WWC2: variants seen among roughly 807,000 people sequenced by gnomAD.
WWC2 encodes the protein protein WWC2.
In WWC2, 101 loss-of-function variants were observed where a neutral mutation model predicts 138.5. The observed-to-expected ratio is 0.73, with a 90% CI of 0.62 to 0.86. WWC2 has a LOEUF of 0.86. Among genes scored for constraint, WWC2 ranks in the 40% least tolerant of loss-of-function variants. WWC2 has a pLI of 0.00. For synonymous variants in WWC2, 558 were observed against 538.4 expected (o/e 1.04, Z -0.50); for missense variants, 1,420 against 1,419.4 (o/e 1.00, Z -0.01).
chr4:183,121,007 A>C lies in WWC2; in HGVS notation c.131+21385A>C, dbSNP rs192943485. On this transcript the variant is annotated intron_variant, in intron 1 of 22. Transcript: ENST00000403733. ...GGAGGCCGGCAGATCACTTGAGCCC[A>C]GGAGTTTGAGACCAGCCTGGACAAC... Among the ~76,000 whole-genome samples, 577 of 152,316 alleles carry C rather than the reference A, an allele frequency of 3.8e-3. 3 individuals carry two copies. The highest frequency in any genetic ancestry group is 0.013 in the African/African-American group (542 of 41,584).
chr4:183,113,712 T>C (rs1432089580), intron 1 of WWC2, among the ~76,000 whole-genome samples: 2 of 151,990 alleles, frequency 1.3e-5, no homozygotes, highest in East Asian at 2.0e-4. Flanking sequence ...TTTTTTTCTT[T>C]TTAAAGATCT....
At chr4:183,265,240 G>A (rs377272469) in intron 12 of WWC2, 133 bp downstream of exon 12, 22 of 1,272,676 alleles carry the variant, frequency 1.7e-5, no homozygotes, top group Non-Finnish European at 2.3e-5. Context: ...TTAAAGAAGT[G>A]GTGTGCCTGA....
intron 4 of WWC2, among the ~76,000 whole-genome samples, chr4:183,230,753 G>C (rs755202252): frequency 1.3e-5 from 2 of 151,578 alleles, no homozygotes; most frequent in Non-Finnish European, 2.9e-5. Context: ...TTTTTTAAAA[G>C]AGTAATAAAA....
At chr4:183,257,028 A>T (rs1302624215) in intron 9 of WWC2, among the ~76,000 whole-genome samples, 1 of 151,742 alleles carries the variant, frequency 6.6e-6, no homozygotes, top group Admixed American at 6.6e-5. Flanking sequence ...CTAAAGAGAA[A>T]TTGCTCGCAA....
intron 21 of WWC2, among the ~76,000 whole-genome samples, chr4:183,303,983 G>A (rs1437231678): frequency 6.6e-6 from 1 of 151,582 alleles, no homozygotes; most frequent in Non-Finnish European, 1.5e-5. Flanking sequence ...GATTGTAGAG[G>A]GTTTGTTAGA....
chr4:183,163,132 A>C (rs1734008236), intron 1 of WWC2, among the ~76,000 whole-genome samples: 2 of 152,224 alleles, frequency 1.3e-5, no homozygotes, highest in Admixed American at 1.3e-4. Flanking sequence ...GAACTATTAA[A>C]AAGTGGTGAC....
At chr4:183,208,762 T>TA (rs964160860) in intron 3 of WWC2, among the ~76,000 whole-genome samples, 187 bp from the exon 4 acceptor site, 61 of 152,014 alleles carry the variant, frequency 4.0e-4, no homozygotes, top group African/African-American at 7.5e-4. Context: ...TTTACAGAGT[T>TA]AAAAAAAATG....
At chr4:183,105,336 G>C (rs191815923) in intron 1 of WWC2, among the ~76,000 whole-genome samples, 3 of 152,206 alleles carry the variant, frequency 2.0e-5, no homozygotes, top group African/African-American at 7.2e-5. Context: ...GAAGTTGTCT[G>C]TTGGCCCACA....
At chr4:183,200,334 T>C (rs961413008) in intron 2 of WWC2, among the ~76,000 whole-genome samples, 1 of 152,188 alleles carries the variant, frequency 6.6e-6, no homozygotes, top group African/African-American at 2.4e-5. Context: ...CCTCAAAAGA[T>C]TGAGAGAGAA....
At chr4:183,229,620 T>G (rs541044207) in intron 4 of WWC2, among the ~76,000 whole-genome samples, 53 of 152,064 alleles carry the variant, frequency 3.5e-4, no homozygotes, top group Non-Finnish European at 6.6e-4. Context: ...ATGTCACCTC[T>G]GTGGTATTCT....
chr4:183,150,223 G>C (rs1414490117), intron 1 of WWC2, among the ~76,000 whole-genome samples: 1 of 152,130 alleles, frequency 6.6e-6, no homozygotes, highest in African/African-American at 2.4e-5. Context: ...ATTCCTGTTT[G>C]TTGACAGATT....
chr4:183,261,672 A>G (rs1039699261), intron 11 of WWC2, 140 bp downstream of exon 11: 1 of 1,023,180 alleles, frequency 9.8e-7, no homozygotes, highest in East Asian at 2.6e-5. Flanking sequence ...TCATTTAAGA[A>G]GGAGCTTTTA....
At chr4:183,315,599 T>G in intron 22 of WWC2, 64 bp from the exon 23 acceptor site, 1 of 1,370,900 alleles carries the variant, frequency 7.3e-7, no homozygotes, top group Admixed American at 2.0e-5. Context: ...GGGGACTGTT[T>G]TAATGGTCCC....
chr4:183,201,080 T>C (rs1483068777), intron 2 of WWC2, among the ~76,000 whole-genome samples: 3 of 152,178 alleles, frequency 2.0e-5, no homozygotes, highest in Non-Finnish European at 2.9e-5. Flanking sequence ...AATATTAGGA[T>C]ATTCAGAGAC....
At chr4:183,247,627 ATAC>A (rs1175881700) in intron 6 of WWC2, among the ~76,000 whole-genome samples, 3 of 137,174 alleles carry the variant, frequency 2.2e-5, no homozygotes, top group Non-Finnish European at 4.7e-5. Context: ...TATATACTAT[ATAC>A]TATATATACT....
intron 2 of WWC2, among the ~76,000 whole-genome samples, chr4:183,206,850 C>T (rs1296115800): frequency 6.6e-6 from 1 of 152,104 alleles, no homozygotes; most frequent in Non-Finnish European, 1.5e-5. Flanking sequence ...AACATGTGGT[C>T]AAAAAATATG....
intron 1 of WWC2, among the ~76,000 whole-genome samples, chr4:183,167,314 G>A (rs756956035): frequency 6.6e-6 from 1 of 152,166 alleles, no homozygotes; most frequent in South Asian, 2.1e-4. Flanking sequence ...GATGACTCAG[G>A]TTAGTGAGGG....
intron 1 of WWC2, among the ~76,000 whole-genome samples, chr4:183,125,479 A>T (rs1023858985): frequency 2.0e-5 from 3 of 152,232 alleles, no homozygotes; most frequent in African/African-American, 4.8e-5. Context: ...CTTTGCTTCA[A>T]TTAAATGTTT....
chr4:183,227,862 A>G (rs1325297176), intron 4 of WWC2, among the ~76,000 whole-genome samples: 1 of 152,086 alleles, frequency 6.6e-6, no homozygotes, highest in Non-Finnish European at 1.5e-5. Flanking sequence ...AATGTATGGC[A>G]TCAGTTGTTC....
Sources: allele counts gnomAD v4.1 joint callset (sites outside exome capture counted in the v4.1 genomes callset), GRCh38; gene constraint gnomAD v4.1.1; transcripts MANE v1.5; gene names NCBI Gene and HGNC (gene_info 2026-07-23, HGNC 2026-07-21).